The following OSBPL3 variants were observed in gnomAD, a reference collection of about 807,000 sequenced individuals.
OSBPL3 encodes oxysterol-binding protein-related protein 3.
OSBPL3 carries 65 observed loss-of-function variants against 120.1 expected under a neutral mutation model. The ratio of observed to expected loss-of-function variants is 0.54; its 90% CI spans 0.44 to 0.67. The LOEUF (loss-of-function observed/expected upper bound fraction) is 0.67. Ranked by LOEUF, OSBPL3 falls within the 30% of genes least tolerant of loss-of-function variation. The pLI is 0.00. For missense variants in OSBPL3, 1,004 were observed against 1,082.1 expected (o/e 0.93, Z 1.01); for synonymous variants, 416 against 402.6 (o/e 1.03, Z -0.40).
intron 10 of OSBPL3, among the ~76,000 whole-genome samples, chr7:24,856,507 T>G (rs771306374): frequency 3.3e-5 from 5 of 152,164 alleles, no homozygotes. Flanking sequence ...ATGAATGCCA[T>G]GGGTACCGCT....
At chr7:24,825,223 G>A (rs1259707614) in intron 16 of OSBPL3, among the ~76,000 whole-genome samples, 3 of 152,218 alleles carry the variant, frequency 2.0e-5, no homozygotes, top group Non-Finnish European at 4.4e-5. Flanking sequence ...CCCAGTCATT[G>A]ATTTTAGTGG....
At chr7:24,945,078 G>A (rs1288647375) in intron 1 of OSBPL3, among the ~76,000 whole-genome samples, 3 of 152,170 alleles carry the variant, frequency 2.0e-5, no homozygotes, top group Admixed American at 6.5e-5. Flanking sequence ...AGTCTTGGGT[G>A]GAGTTTACCA....
intron 6 of OSBPL3, among the ~76,000 whole-genome samples, chr7:24,865,702 A>G (rs932556744): frequency 1.3e-5 from 2 of 152,210 alleles, no homozygotes; most frequent in Admixed American, 1.3e-4. Context: ...TCAAATATTA[A>G]TAACATCAAA....
intron 10 of OSBPL3, among the ~76,000 whole-genome samples, chr7:24,856,840 T>A (rs1799898960): frequency 1.3e-5 from 2 of 152,226 alleles, no homozygotes; most frequent in Admixed American, 1.3e-4. Context: ...CACTCTGATC[T>A]TCTGTAATCT....
Position 24,855,961 on chromosome 7 carries a change from C to A in OSBPL3, c.1028-3327G>T, listed in dbSNP as rs1349707868. Among the ~76,000 whole-genome samples the A allele has an allele frequency of 2.0e-5, 3 of 152,186 alleles. No homozygotes were observed. In the East Asian group the frequency reaches 5.8e-4, roughly 29 times the overall value. On this transcript the variant is annotated intron_variant, in intron 10 of 22. Coordinates refer to ENST00000313367, the MANE Select transcript of OSBPL3 (RefSeq NM_015550.4). The surrounding 1 kb of genome is among the most constrained non-coding windows in gnomAD (Gnocchi z 4.3). ...CTTCCCCGCCAAATGGTCTGCTGGC[C>A]CACGCTTGTCAGAGCACTTGCTATC...
At chr7:24,911,558 T>A (rs1731570890) in intron 1 of OSBPL3, among the ~76,000 whole-genome samples, 1 of 152,192 alleles carries the variant, frequency 6.6e-6, no homozygotes, top group Admixed American at 6.5e-5. Context: ...GGGTCATGTA[T>A]CAGATGTACA....
rs1353639031 is a variant in OSBPL3 at position 24,900,793 on chromosome 7, C to G, written c.-149-8172G>C. ...GACCAGCCTGGGCAACAAGGCGAAA[C>G]CCCCATCTTTACAAAAAATATTAGG... On this transcript the variant is annotated intron_variant, in intron 1 of 22. Coordinates refer to ENST00000313367, the MANE Select transcript of OSBPL3 (RefSeq NM_015550.4). The surrounding 1 kb of genome is among the most constrained non-coding windows in gnomAD (Gnocchi z 4.5). 1.3e-5 allele frequency among the ~76,000 whole-genome samples: 2 copies of G among 152,096 alleles called. No individual in the cohort carries two copies. Among genetic ancestry groups the G allele is most frequent in the African/African-American group, 4.8e-5 (2 of 41,408 alleles).
intron 1 of OSBPL3, among the ~76,000 whole-genome samples, chr7:24,950,413 CTATT>C (rs1814254256): frequency 6.6e-6 from 1 of 152,204 alleles, no homozygotes; most frequent in African/African-American, 2.4e-5. Flanking sequence ...AAAACAGAAA[CTATT>C]TAGTTCAATA....
At chr7:24,878,268 G>A (rs923272162) in intron 2 of OSBPL3, among the ~76,000 whole-genome samples, 6 of 152,172 alleles carry the variant, frequency 3.9e-5, no homozygotes, top group Admixed American at 2.0e-4. Flanking sequence ...AATAGAAAAC[G>A]ATTAAAACTT....
chr7:24,944,366 C>T (rs1307796952), intron 1 of OSBPL3, among the ~76,000 whole-genome samples: 18 of 151,990 alleles, frequency 1.2e-4, no homozygotes, highest in African/African-American at 4.8e-5. Context: ...CGGTGGCTCA[C>T]GCCTGTAATC....
chr7:24,874,249 G>C (rs1802555934), intron 2 of OSBPL3, among the ~76,000 whole-genome samples: 1 of 152,080 alleles, frequency 6.6e-6, no homozygotes, highest in African/African-American at 2.4e-5. Flanking sequence ...AGAGGGTGTG[G>C]GTATCGTCAT....
chr7:24,949,996 A>G (rs933772587), intron 1 of OSBPL3, among the ~76,000 whole-genome samples: 4 of 152,224 alleles, frequency 2.6e-5, no homozygotes. Flanking sequence ...TGCTTCAAAA[A>G]TATGTTTATA....
At chr7:24,837,729 T>A (rs1374923856) in intron 14 of OSBPL3, among the ~76,000 whole-genome samples, 1 of 152,242 alleles carries the variant, frequency 6.6e-6, no homozygotes, top group East Asian at 1.9e-4. Context: ...TAAACAGTAT[T>A]ATTATCCCCA....
rs1795025815 is a variant in OSBPL3, at chr7:24,820,773, G to T, written c.1885-535C>A. Reference sequence around the variant, plus strand: ...CAGCCTCTTTTCAAATCACCTACAAGAAGACCAATGCAAGGTAATTTTTTT... The same window carrying T: ...CAGCCTCTTTTCAAATCACCTACAATAAGACCAATGCAAGGTAATTTTTTT... On this transcript the variant is annotated intron_variant, in intron 16 of 22. Coordinates refer to ENST00000313367, the MANE Select transcript of OSBPL3 (RefSeq NM_015550.4). The surrounding 1 kb of genome is among the most constrained non-coding windows in gnomAD (Gnocchi z 4.6). Among the ~76,000 whole-genome samples, 1 of 145,174 alleles carries T rather than the reference G, an allele frequency of 6.9e-6. No individual in the cohort carries two copies.
chr7:24,837,606 C>T (rs985997722), intron 14 of OSBPL3, among the ~76,000 whole-genome samples: 5 of 152,216 alleles, frequency 3.3e-5, no homozygotes, highest in African/African-American at 1.2e-4. Flanking sequence ...CCATCATCAC[C>T]ACCAATACTA....
intron 16 of OSBPL3, among the ~76,000 whole-genome samples, chr7:24,829,837 T>C (rs1251034046): frequency 6.6e-6 from 1 of 152,196 alleles, no homozygotes; most frequent in Non-Finnish European, 1.5e-5. Context: ...TTGACAAGCA[T>C]TTTAGATGTT....
intron 10 of OSBPL3, among the ~76,000 whole-genome samples, chr7:24,859,266 T>C (rs1000451417): frequency 6.6e-6 from 1 of 152,108 alleles, no homozygotes; most frequent in African/African-American, 2.4e-5. Flanking sequence ...AGAGGGAATA[T>C]CTTCTCTCTT....
chr7:24,960,348 G>C (rs1194279100), intron 1 of OSBPL3, among the ~76,000 whole-genome samples: 3 of 152,130 alleles, frequency 2.0e-5, no homozygotes, highest in Admixed American at 1.3e-4. Context: ...AATCAAAATG[G>C]TTTTTATGAA....
intron 1 of OSBPL3, among the ~76,000 whole-genome samples, chr7:24,910,095 C>T (rs1022403821): frequency 2.0e-5 from 3 of 152,000 alleles, no homozygotes; most frequent in Non-Finnish European, 2.9e-5. Context: ...TGTGAGCCAC[C>T]GTGGCTGGCC....
Sources: allele counts gnomAD v4.1 joint callset (sites outside exome capture counted in the v4.1 genomes callset), GRCh38; gene constraint gnomAD v4.1.1; non-coding constraint Gnocchi (gnomAD v3.1); transcripts MANE v1.5; gene names NCBI Gene and HGNC (gene_info 2026-07-23, HGNC 2026-07-21).